The following IL1RAPL2 variants were observed in gnomAD, a reference collection of about 807,000 sequenced individuals.
The protein encoded by IL1RAPL2 is interleukin 1 receptor accessory protein like 2, also known as X-linked interleukin-1 receptor accessory protein-like 2.
Under a neutral mutation model 44.1 loss-of-function variants are expected in IL1RAPL2, and 3 were observed. The observed-to-expected ratio is 0.07, with a 90% confidence interval of 0.03 to 0.18. The LOEUF is 0.18. IL1RAPL2 is among the 10% of genes least tolerant of loss of function. The pLI, the probability that IL1RAPL2 is intolerant of heterozygous loss-of-function variation, is 1.00. For missense variants in IL1RAPL2, 391 were observed against 496.4 expected (o/e 0.79, Z 2.02); for synonymous variants, 181 against 178.8 (o/e 1.01, Z -0.10).
At chrX:104,763,612 CT>C (rs1932503773) in intron 2 of IL1RAPL2, among the ~76,000 whole-genome samples, 2 of 111,545 alleles carry the variant, frequency 1.8e-5, no homozygotes, top group South Asian at 7.5e-4. Flanking sequence ...AAGAGGAGGC[CT>C]CAGGCAACTT....
intron 1 of IL1RAPL2, among the ~76,000 whole-genome samples, chrX:104,571,212 C>T (rs1343808276): frequency 8.9e-6 from 1 of 112,003 alleles, no homozygotes; most frequent in Non-Finnish European, 1.9e-5. Flanking sequence ...CTCTCTAATT[C>T]AGTATATCCT....
intron 2 of IL1RAPL2, among the ~76,000 whole-genome samples, chrX:104,748,833 G>A (rs1336887995): frequency 9.0e-6 from 1 of 111,617 alleles, no homozygotes; most frequent in Non-Finnish European, 1.9e-5. Flanking sequence ...GTAAATCATT[G>A]TTCTTTGAAG....
At chrX:104,674,037 T>C (rs1450261728) in intron 2 of IL1RAPL2, among the ~76,000 whole-genome samples, 1 of 111,717 alleles carries the variant, frequency 9.0e-6, no homozygotes, top group East Asian at 2.8e-4. Context: ...AATCATGTCA[T>C]CTGCAAACAG....
At chrX:104,604,011 C>A (rs1372948691) in intron 1 of IL1RAPL2, among the ~76,000 whole-genome samples, 1 of 111,605 alleles carries the variant, frequency 9.0e-6, no homozygotes, top group African/African-American at 3.3e-5. Flanking sequence ...TCATCAGATT[C>A]ACCAAGGTTG....
intron 1 of IL1RAPL2, among the ~76,000 whole-genome samples, chrX:104,629,979 C>CT (rs1023877325): frequency 1.1e-4 from 12 of 110,542 alleles, no homozygotes; most frequent in Non-Finnish European, 2.1e-4. Flanking sequence ...AAGCCTTGTT[C>CT]TTTTTTTTGT....
rs748635900 is a variant in IL1RAPL2, at chrX:105,568,604, CTGAAGCTTAACA to C, written c.772+84220_772+84231del. The stretch of plus-strand genomic sequence containing the variant: ...TAACAACACTTTATGCAATGTATCC[CTGAAGCTTAACA>C]TGTTGTAAAGATTGGTGGTTACTTG... On this transcript the variant is annotated intron_variant, in intron 6 of 10. Transcript: ENST00000372582. 2.7e-5 allele frequency among the ~76,000 whole-genome samples: 3 copies of C among 112,010 alleles called. No individual in the cohort carries two copies. The South Asian group carries it at 1.1e-3, about 41-fold the overall frequency.
chrX:105,540,139 A>G (rs1181052850), intron 6 of IL1RAPL2, among the ~76,000 whole-genome samples: 1 of 111,718 alleles, frequency 9.0e-6, no homozygotes. Context: ...GAATTTCTCA[A>G]TAAACTTAAA....
At chrX:105,027,856 T>C (rs1314596814) in intron 2 of IL1RAPL2, among the ~76,000 whole-genome samples, 1 of 111,898 alleles carries the variant, frequency 8.9e-6, no homozygotes, top group Non-Finnish European at 1.9e-5. Context: ...GAAATCAGTA[T>C]ATTGAAGAGA....
intron 6 of IL1RAPL2, among the ~76,000 whole-genome samples, chrX:105,647,872 C>G (rs1218167053): frequency 9.0e-6 from 1 of 111,493 alleles, no homozygotes; most frequent in Non-Finnish European, 1.9e-5. Context: ...ATGATCTTGC[C>G]ATGACATCTG....
In IL1RAPL2 at chrX:104,890,677, C is replaced by G. The variant is rs772864788; in HGVS notation, c.82+231682C>G. 3.0e-3 allele frequency among the ~76,000 whole-genome samples: 330 copies of G among 111,843 alleles called. 1 individual carries two copies. The highest frequency in any genetic ancestry group is 0.01 in the African/African-American group (310 of 30,787). On this transcript the variant is annotated intron_variant, in intron 2 of 10. Coordinates refer to ENST00000372582, the MANE Select transcript of IL1RAPL2 (RefSeq NM_017416.2). ...TTTTTCTTGTAAATTTGTTTGAGTT[C>G]TTTGTAAATTCTGGATATTAGCCCT...
chrX:104,675,536 G>T (rs1209013618), intron 2 of IL1RAPL2, among the ~76,000 whole-genome samples: 1 of 111,129 alleles, frequency 9.0e-6, no homozygotes, highest in African/African-American at 3.3e-5. Context: ...GTCAATTTTG[G>T]TATAGGTGTG....
intron 2 of IL1RAPL2, among the ~76,000 whole-genome samples, chrX:105,010,708 G>A (rs2031033948): frequency 9.0e-6 from 1 of 111,163 alleles, no homozygotes; most frequent in Non-Finnish European, 1.9e-5. Context: ...TTTGCTGCAC[G>A]GACTGGGCCT....
Position 105,717,478 on chromosome X carries a change from T to C in IL1RAPL2, c.884T>C (p.Ile295Thr). The stretch of plus-strand genomic sequence containing the variant: ...TTTATTGAAGAACTGGCAGGTCACA[T>C]TAGAGAAGGTGAAATAAGGTAGAGA... ...EKFIEELAGHIREGEIRLLKE... is the reference protein window; with the variant it reads ...EKFIEELAGHTREGEIRLLKE... The change falls in exon 7 of 11, where the codon ATT (isoleucine) becomes ACT (threonine). Residue 295 changes from isoleucine (I) to threonine (T), a missense_variant. Physicochemically the swap from Ile to Thr is moderately conservative, Grantham distance 89. Around this residue, in one of 2 missense-constraint regions of IL1RAPL2, gnomAD observed 159 missense variants for 251.7 expected, o/e 0.63. Transcript: ENST00000372582. 8.3e-7 allele frequency: 1 copy of C among 1,202,966 alleles called. No individual in the cohort carries two copies. The highest frequency in any genetic ancestry group is 1.1e-6 in the Non-Finnish European group (1 of 889,915).
At chrX:105,247,603 A>ATGTGTGTG (rs10588244) in intron 4 of IL1RAPL2, among the ~76,000 whole-genome samples, 1 of 95,035 alleles carries the variant, frequency 1.1e-5, no homozygotes, top group East Asian at 3.5e-4. Flanking sequence ...ATATATATAT[A>ATGTGTGTG]TGTGTGTGTG....
chrX:105,111,890 C>T (rs955194939), intron 2 of IL1RAPL2, among the ~76,000 whole-genome samples: 2 of 111,725 alleles, frequency 1.8e-5, no homozygotes, highest in African/African-American at 6.5e-5. Flanking sequence ...TGGCTGTTCT[C>T]ATTTTTCATG....
intron 1 of IL1RAPL2, among the ~76,000 whole-genome samples, chrX:104,656,398 G>T (rs1437680851): frequency 8.9e-6 from 1 of 111,942 alleles, no homozygotes; most frequent in Non-Finnish European, 1.9e-5. Context: ...TGGTTTCAAA[G>T]AACATCTTTA....
intron 2 of IL1RAPL2, among the ~76,000 whole-genome samples, chrX:105,097,526 G>A (rs1352170458): frequency 9.1e-6 from 1 of 110,396 alleles, no homozygotes; most frequent in Admixed American, 9.7e-5. Context: ...AGATGAAGCT[G>A]CAGATTCAAG....
intron 1 of IL1RAPL2, among the ~76,000 whole-genome samples, chrX:104,621,193 A>G (rs189076962): frequency 5.6e-5 from 6 of 106,835 alleles, no homozygotes; most frequent in African/African-American, 2.0e-4. Context: ...GTCTAACTAG[A>G]GAAATCACAT....
intron 9 of IL1RAPL2, chrX:105,752,926 C>T (rs916567227): frequency 4.0e-5 from 13 of 328,255 alleles, no homozygotes; most frequent in Admixed American, 1.3e-4. Flanking sequence ...TAAAGGGACA[C>T]GAATGAAACC....
Sources: gnomAD v4.1 joint callset for allele counts (sites outside exome capture counted in the v4.1 genomes callset) on GRCh38, gnomAD v4.1.1 for gene constraint, gnomAD v4.1.1 regional missense constraint, MANE v1.5 for transcripts, NCBI Gene and HGNC (gene_info 2026-07-23, HGNC 2026-07-21) for gene names.